The following CIMAP3 variants were observed in gnomAD, a reference collection of about 807,000 sequenced individuals.
The protein encoded by CIMAP3 is ciliary microtubule associated protein 3.
the CIMAP3 span, among the ~76,000 whole-genome samples, chr1:111,335,641 T>G: frequency 6.6e-6 from 1 of 152,182 alleles, no homozygotes. Flanking sequence ...GCAGCGAGGC[T>G]GGGGGAGGGG....
chr1:111,334,303 G>T, the CIMAP3 span, among the ~76,000 whole-genome samples: 5 of 152,192 alleles, frequency 3.3e-5, no homozygotes, highest in African/African-American at 1.2e-4. Flanking sequence ...TGACAGTTTA[G>T]GAAGGGCAGG....
At chr1:111,346,465 A>C in the CIMAP3 span, 14 of 738,714 alleles carry the variant, frequency 1.9e-5, no homozygotes, top group East Asian at 3.7e-4. Flanking sequence ...CTGAGTTTAC[A>C]ATCCCCTGGG....
At chr1:111,344,296 C>G in the CIMAP3 span, among the ~76,000 whole-genome samples, 1,625 of 152,232 alleles carry the variant, frequency 0.011, 21 homozygotes, top group African/African-American at 0.038. Flanking sequence ...ACCCTTATTC[C>G]TAGGGTTTAT....
chr1:111,334,290 T>C, the CIMAP3 span, among the ~76,000 whole-genome samples: 1 of 152,048 alleles, frequency 6.6e-6, no homozygotes, highest in Non-Finnish European at 1.5e-5. Flanking sequence ...GAGAGAAAAG[T>C]GGTGACAGTT....
chr1:111,327,063 C>T, the CIMAP3 span, among the ~76,000 whole-genome samples: 110 of 152,124 alleles, frequency 7.2e-4, 1 homozygote, highest in African/African-American at 2.5e-3. Context: ...TATTGATTGC[C>T]TCATTTGCTG....
the CIMAP3 span, among the ~76,000 whole-genome samples, chr1:111,335,842 G>C: frequency 7.9e-3 from 1,203 of 152,362 alleles, 16 homozygotes; most frequent in African/African-American, 0.027. Flanking sequence ...GCTTTGAAGA[G>C]AGCAGTGGTT....
At chr1:111,335,153 AGAC>A in the CIMAP3 span, among the ~76,000 whole-genome samples, 1,555 of 76,622 alleles carry the variant, frequency 0.02, 175 homozygotes, top group South Asian at 0.071. Context: ...AAAAAAAAAA[AGAC>A]AGAAAAAAAA....
chr1:111,351,308 T>C, the CIMAP3 span: 1 of 1,582,842 alleles, frequency 6.3e-7, no homozygotes, highest in Non-Finnish European at 8.5e-7. Flanking sequence ...GTGGCCTACC[T>C]AAGCCTGTAT....
At chr1:111,348,177 C>T in the CIMAP3 span, among the ~76,000 whole-genome samples, 12 of 152,256 alleles carry the variant, frequency 7.9e-5, no homozygotes, top group South Asian at 2.1e-4. Context: ...TCTTATTGGA[C>T]GACATTTTCC....
chr1:111,342,667 C>A, the CIMAP3 span, among the ~76,000 whole-genome samples: 1 of 152,126 alleles, frequency 6.6e-6, no homozygotes, highest in Non-Finnish European at 1.5e-5. Context: ...GTATATTTCT[C>A]CCCCCAGGCA....
At chr1:111,338,839 C>A in the CIMAP3 span, among the ~76,000 whole-genome samples, 1 of 152,162 alleles carries the variant, frequency 6.6e-6, no homozygotes, top group African/African-American at 2.4e-5. Context: ...AGGGAATCCT[C>A]CCTAACTCAT....
the CIMAP3 span, among the ~76,000 whole-genome samples, chr1:111,338,972 C>T: frequency 2.6e-5 from 4 of 152,108 alleles, no homozygotes; most frequent in African/African-American, 4.8e-5. Context: ...ACTGGCAAAC[C>T]AAATCCAGCA....
chr1:111,350,188 G>C, the CIMAP3 span: 1 of 1,613,954 alleles, frequency 6.2e-7, no homozygotes, highest in Non-Finnish European at 8.5e-7. Context: ...CTGGGCTCAG[G>C]TTCCATGTCT....
At chr1:111,339,912 A>G in the CIMAP3 span, among the ~76,000 whole-genome samples, 1 of 151,826 alleles carries the variant, frequency 6.6e-6, no homozygotes, top group African/African-American at 2.4e-5. Flanking sequence ...ATCCTAAGCC[A>G]AAAGAACAAA....
chr1:111,342,066 C>G, the CIMAP3 span, among the ~76,000 whole-genome samples: 2 of 152,182 alleles, frequency 1.3e-5, no homozygotes, highest in Non-Finnish European at 2.9e-5. Flanking sequence ...CACCTATGTA[C>G]AGTAAGGTCT....
At chr1:111,344,233 T>C in the CIMAP3 span, among the ~76,000 whole-genome samples, 1 of 152,256 alleles carries the variant, frequency 6.6e-6, no homozygotes, top group Non-Finnish European at 1.5e-5. Context: ...GGGAACTGAA[T>C]TGGTGTAAAG....
chr1:111,337,406 T>G, the CIMAP3 span, among the ~76,000 whole-genome samples: 1 of 152,180 alleles, frequency 6.6e-6, no homozygotes, highest in Admixed American at 6.5e-5. Context: ...GACTGGCAAA[T>G]TGGATAAAGA....
the CIMAP3 span, chr1:111,351,372 C>T: frequency 8.3e-6 from 12 of 1,441,144 alleles, no homozygotes; most frequent in Middle Eastern, 1.8e-4. Context: ...CACAGACTCT[C>T]CAGGACTGAG....
the CIMAP3 span, chr1:111,350,236 G>T: frequency 1.3e-6 from 2 of 1,570,712 alleles, no homozygotes; most frequent in Non-Finnish European, 1.8e-6. Flanking sequence ...AATAAGATTG[G>T]AACTTCTGTA....
Sources: allele counts gnomAD v4.1 joint callset (sites outside exome capture counted in the v4.1 genomes callset), GRCh38; gene constraint gnomAD v4.1.1; transcripts MANE v1.5; gene names NCBI Gene and HGNC (gene_info 2026-07-23, HGNC 2026-07-21).